Variants in ZNF727 observed in about 807,000 individuals in gnomAD.
ZNF727 encodes zinc finger protein 727, also known as putative zinc finger protein 727.
Under a neutral mutation model 11.5 loss-of-function variants are expected in ZNF727, and 11 were observed. That is an observed-to-expected ratio of 0.95 (90% CI 0.60 to 1.58). The LOEUF (loss-of-function observed/expected upper bound fraction) is 1.58, where lower values mean the gene tolerates loss of function less well. Among genes scored for constraint, ZNF727 ranks in the 40% most tolerant of loss-of-function variants. ZNF727 has a pLI of 0.00. For synonymous variants in ZNF727, 171 were observed against 196.1 expected, an observed-to-expected ratio of 0.87 and a Z score of 1.07; for missense variants, 533 against 581.7, an observed-to-expected ratio of 0.92 and a Z score of 0.86.
chr7:64,051,127 G>A (rs1789591376), intron 1 of ZNF727, among the ~76,000 whole-genome samples: 1 of 151,804 alleles, frequency 6.6e-6, no homozygotes, highest in African/African-American at 2.4e-5. Context: ...TTTAGTCCTG[G>A]AGAGGAGACT....
At chr7:64,058,162 T>C (rs1235611436) in intron 1 of ZNF727, among the ~76,000 whole-genome samples, 2 of 152,188 alleles carry the variant, frequency 1.3e-5, no homozygotes, top group Non-Finnish European at 2.9e-5. Context: ...AGGCAGGCCC[T>C]GGGCTGAAGG....
At chr7:64,058,222 A>G (rs1562791955) in intron 1 of ZNF727, among the ~76,000 whole-genome samples, 1 of 152,168 alleles carries the variant, frequency 6.6e-6, no homozygotes, top group East Asian at 1.9e-4. Flanking sequence ...GTGCACACAG[A>G]CTGTCACACT....
chr7:64,063,653 G>C (rs866337028), intron 1 of ZNF727, among the ~76,000 whole-genome samples: 81 of 152,010 alleles, frequency 5.3e-4, no homozygotes, highest in Non-Finnish European at 4.6e-4. Flanking sequence ...CAAGAACCAA[G>C]TTCTCTTCAG....
At chr7:64,069,052 C>T in intron 2 of ZNF727, 35 bp downstream of exon 2, 1 of 1,492,176 alleles carries the variant, frequency 6.7e-7, no homozygotes, top group Non-Finnish European at 8.9e-7. Flanking sequence ...TCATATTCTA[C>T]ATTAAATATT....
chr7:64,058,022 C>T (rs1789713169), intron 1 of ZNF727, among the ~76,000 whole-genome samples: 1 of 152,176 alleles, frequency 6.6e-6, no homozygotes, highest in African/African-American at 2.4e-5. Context: ...AATAACTTCT[C>T]ACAATATGCC....
Position 64,068,878 on chromosome 7 carries a change from T to C in ZNF727, c.4-13T>C, listed in dbSNP as rs929814835. The C allele has an allele frequency of 3.2e-6, 5 of 1,575,402 alleles. No individual in the cohort carries two copies. The African/African-American group carries it at 6.8e-5, about 21-fold the overall frequency. On this transcript the variant is annotated splice_polypyrimidine_tract_variant and intron_variant, in intron 1 of 3. Transcript: ENST00000456806. ...TTTCTTTGGTCACTTGGTAAATATG[T>C]TTTGTTTTTCAGCGAGTGCTAACAT...
At chr7:64,073,678 TG>T (rs2116321996) in intron 3 of ZNF727, among the ~76,000 whole-genome samples, 1 of 152,276 alleles carries the variant, frequency 6.6e-6, no homozygotes, top group African/African-American at 2.4e-5. Context: ...GCTTAAAGAC[TG>T]GCTATAGCAA....
rs1426380596 is a variant in ZNF727 at position 64,078,951 on chromosome 7, G to C, written c.*402G>C. On this transcript the variant is annotated 3_prime_UTR_variant, in exon 4 of 4. Coordinates refer to ENST00000456806, the MANE Select transcript of ZNF727 (RefSeq NM_001159522.3). Reference sequence around the variant, plus strand: ...GGTTTTATGTGGATCTCGGCCCTTAGAAAACATAAGAGAATTCATACTGGA... The same window carrying C: ...GGTTTTATGTGGATCTCGGCCCTTACAAAACATAAGAGAATTCATACTGGA... 6.9e-6 allele frequency among the ~76,000 whole-genome samples: 1 copy of C among 144,712 alleles called. No homozygotes were observed. The highest frequency in any genetic ancestry group is 2.1e-4 in the East Asian group (1 of 4,820). 94.9% of individuals were successfully genotyped at this position (144,712 alleles called of 152,430 possible).
Position 64,045,451 on chromosome 7 carries a change from A to C in ZNF727, c.-171A>C. The C allele has an allele frequency of 2.2e-6, 2 of 924,758 alleles. No individual in the cohort carries two copies. Among genetic ancestry groups the C allele is most frequent in the South Asian group, 2.8e-5 (2 of 70,614 alleles). The allele number at this position is 924,758 out of a possible 1,614,324, so 57.3% of individuals were successfully genotyped here. ...GAAGAGGCGGGCTCTTCAATATGGC[A>C]AGGCCTTCGTCTCCTAGCTTCTAGG... On this transcript the variant is annotated 5_prime_UTR_variant, in exon 1 of 4. Coordinates refer to ENST00000456806, the MANE Select transcript of ZNF727 (RefSeq NM_001159522.3).
intron 1 of ZNF727, among the ~76,000 whole-genome samples, chr7:64,046,586 C>T (rs989513043): frequency 6.6e-6 from 1 of 152,142 alleles, no homozygotes; most frequent in African/African-American, 2.4e-5. Context: ...CACCTTGCAC[C>T]AGGATTTTAA....
Position 64,068,445 on chromosome 7 carries a change from T to C in ZNF727, c.4-446T>C, listed in dbSNP as rs181272183. Among the ~76,000 whole-genome samples, 555 of 152,206 alleles carry C rather than the reference T, an allele frequency of 3.6e-3. 12 individuals are homozygous for C. The highest frequency in any genetic ancestry group is 0.034 in the Admixed American group (512 of 15,254). On this transcript the variant is annotated intron_variant, in intron 1 of 3. Transcript: ENST00000456806. The stretch of plus-strand genomic sequence containing the variant: ...AGCAATGATACCACTGGCAAACTTC[T>C]TATCAATTCAAAAACTCAAGCTTTA...
chr7:64,047,311 C>T (rs150917295), intron 1 of ZNF727, among the ~76,000 whole-genome samples: 168 of 152,284 alleles, frequency 1.1e-3, no homozygotes, highest in African/African-American at 3.7e-3. Context: ...TCAAAACGGA[C>T]GTGGCATTTT....
chr7:64,073,762 C>G (rs1272859571), intron 3 of ZNF727, among the ~76,000 whole-genome samples: 1 of 152,078 alleles, frequency 6.6e-6, no homozygotes, highest in African/African-American at 2.4e-5. Flanking sequence ...TGTGTAATTT[C>G]TAAGATAAAG....
In ZNF727 at chr7:64,084,635, A is replaced by G. The variant is rs1049284664; in HGVS notation, c.*6086A>G. Among the ~76,000 whole-genome samples the G allele has an allele frequency of 2.0e-5, 3 of 152,174 alleles. No individual in the cohort carries two copies. Among genetic ancestry groups the G allele is most frequent in the East Asian group, 1.9e-4 (1 of 5,190 alleles). ...TAATGAAGATGAGTATAATGGAGCT[A>G]TATGTTTCTGAATTCTGAACAACTA... On this transcript the variant is annotated 3_prime_UTR_variant, in exon 4 of 4. Coordinates refer to ENST00000456806, the MANE Select transcript of ZNF727 (RefSeq NM_001159522.3).
intron 1 of ZNF727, among the ~76,000 whole-genome samples, chr7:64,062,910 C>A (rs1413102938): frequency 6.6e-6 from 1 of 151,100 alleles, no homozygotes; most frequent in Admixed American, 6.6e-5. Flanking sequence ...CTGATGCACT[C>A]TTCAATGTCA....
At chr7:64,070,501 A>C (rs1322630072) in intron 3 of ZNF727, among the ~76,000 whole-genome samples, 2 of 151,924 alleles carry the variant, frequency 1.3e-5, no homozygotes, top group Non-Finnish European at 2.9e-5. Flanking sequence ...AGTAACGTCA[A>C]TTTTTTCACA....
intron 1 of ZNF727, among the ~76,000 whole-genome samples, chr7:64,062,827 A>G (rs1223384664): frequency 6.7e-6 from 1 of 149,138 alleles, no homozygotes; most frequent in Non-Finnish European, 1.5e-5. Flanking sequence ...ATCTGACTGT[A>G]TCTTTTCAAA....
chr7:64,060,534 C>CT, intron 1 of ZNF727, among the ~76,000 whole-genome samples: 1 of 152,202 alleles, frequency 6.6e-6, no homozygotes, highest in East Asian at 1.9e-4. Flanking sequence ...CCAGCCCCAT[C>CT]TTTCAATGCA....
In ZNF727 at chr7:64,069,553, A is replaced by G; in HGVS notation, c.170A>G (p.Glu57Gly). Reference sequence around the variant, plus strand: ...AAGCCAGACTTGATTACCTATCTGGAGCAAAGAAAAGAGCCTTGGAATGCG... The same window carrying G: ...AAGCCAGACTTGATTACCTATCTGGGGCAAAGAAAAGAGCCTTGGAATGCG... ...IFKPDLITYL[E>G]QRKEPWNARR... is the part of the protein sequence containing the mutation. Residue 57 changes from glutamate (E) to glycine (G), a missense_variant, in exon 3 of 4, where the codon GAG becomes GGG. Coordinates refer to ENST00000456806, the MANE Select transcript of ZNF727 (RefSeq NM_001159522.3). 6.4e-7 allele frequency: 1 copy of G among 1,562,984 alleles called. No homozygotes were observed.
Sources: gnomAD v4.1 joint callset for allele counts (sites outside exome capture counted in the v4.1 genomes callset) on GRCh38, gnomAD v4.1.1 for gene constraint, MANE v1.5 for transcripts, NCBI Gene and HGNC (gene_info 2026-07-23, HGNC 2026-07-21) for gene names.